MCM2: variants seen among roughly 807,000 people sequenced by gnomAD.
MCM2 encodes the protein DNA replication licensing factor MCM2.
MCM2 carries 49 observed loss-of-function variants against 86.4 expected under a neutral mutation model. The ratio of observed to expected loss-of-function variants is 0.57; its 90% CI spans 0.45 to 0.72. MCM2 has a LOEUF of 0.72. MCM2 is among the 30% of genes least tolerant of loss of function. The probability of loss-of-function intolerance (pLI) is 0.00; values close to 1 mark genes in which losing one functional copy is unlikely to be tolerated. For synonymous variants in MCM2, 475 were observed against 484.6 expected (o/e 0.98, Z 0.26); for missense variants, 1,038 against 1,259.9 (o/e 0.82, Z 2.67).
chr3:127,605,607 A>AT (rs1180191104), intron 4 of MCM2, among the ~76,000 whole-genome samples: 1,960 of 145,020 alleles, frequency 0.014, 55 homozygotes, highest in African/African-American at 0.046. Flanking sequence ...TGCCTGACTA[A>AT]TTTTTTTTTT....
chr3:127,604,468 G>T, intron 2 of MCM2, 140 bp from the exon 3 acceptor site: 1 of 762,996 alleles, frequency 1.3e-6, no homozygotes. Flanking sequence ...TGAGCCTTCT[G>T]TGTTTCTGAC....
At chr3:127,598,577 T>G in intron 1 of MCM2, 105 bp downstream of exon 1, 1 of 1,442,302 alleles carries the variant, frequency 6.9e-7, no homozygotes, top group South Asian at 1.4e-5. Context: ...TGGGTGAGGC[T>G]GGGCCCCAGG....
At chr3:127,598,505 G>A (rs1200869503) in intron 1 of MCM2, 33 bp downstream of exon 1, 4 of 1,609,904 alleles carry the variant, frequency 2.5e-6, no homozygotes, top group East Asian at 2.2e-5. Context: ...GGCGGGCGCC[G>A]GGGACATGGG....
chr3:127,601,441 A>G (rs1576411185), intron 2 of MCM2, among the ~76,000 whole-genome samples: 1 of 152,054 alleles, frequency 6.6e-6, no homozygotes, highest in African/African-American at 2.4e-5. Context: ...GCTCACTGCA[A>G]CCTCCGCCTC....
At chr3:127,616,018 AAAG>A in intron 9 of MCM2, 63 bp downstream of exon 9, 7 of 1,287,664 alleles carry the variant, frequency 5.4e-6, no homozygotes, top group Non-Finnish European at 6.8e-6. Context: ...GCCAGCATTC[AAAG>A]AAGGACACAG....
At chr3:127,613,203 C>T (rs1480842329) in intron 8 of MCM2, among the ~76,000 whole-genome samples, 1 of 152,174 alleles carries the variant, frequency 6.6e-6, no homozygotes, top group African/African-American at 2.4e-5. Context: ...GCTCTTGGCC[C>T]TGGAGGGAGA....
Position 127,606,905 on chromosome 3 carries a change from C to G in MCM2, c.1101+88C>G, listed in dbSNP as rs1253068835. The stretch of plus-strand genomic sequence containing the variant: ...ACTGGCCTCTCAGGCTGTGGAAGAC[C>G]AGTGTGGGCAGCCGCAAGAAGCAAG... On this transcript the variant is annotated intron_variant, in intron 6 of 15. Coordinates refer to ENST00000265056, the MANE Select transcript of MCM2 (RefSeq NM_004526.4). This position sits in a 1 kb window ranked among gnomAD's most constrained non-coding sequence, Gnocchi z 4.2. 1 of 1,300,324 alleles carries G rather than the reference C, an allele frequency of 7.7e-7. No homozygotes were observed. The allele number at this position is 1,300,324 out of a possible 1,614,324, so 80.5% of individuals were successfully genotyped here. A position where few individuals can be genotyped will look rare whatever the true frequency, so the allele number is the denominator to read the frequency against.
intron 1 of MCM2, chr3:127,598,766 G>GC (rs1396460319): frequency 2.1e-6 from 1 of 487,266 alleles, no homozygotes; most frequent in African/African-American, 2.1e-5. Context: ...CAAAAGACAG[G>GC]CCCCCATTTC....
chr3:127,605,194 C>T (rs2074337815), intron 4 of MCM2, 38 bp downstream of exon 4: 8 of 1,597,828 alleles, frequency 5.0e-6, no homozygotes, highest in Non-Finnish European at 6.8e-6. Context: ...GCCCCTGTAG[C>T]GCCTCCCTAA....
At position 127,617,770 on chromosome 3, in the gene MCM2, T is replaced by A; in HGVS notation, c.1901-199T>A. ...GTTTTTCCTCCTGGGGAAGCAGTTA[T>A]GCTTTCTGTCTAAATTAGGCTATTT... On this transcript the variant is annotated intron_variant, in intron 11 of 15. Coordinates refer to ENST00000265056, the MANE Select transcript of MCM2 (RefSeq NM_004526.4). The surrounding 1 kb of genome is among the most constrained non-coding windows in gnomAD (Gnocchi z 4.1). 1 of 596,342 alleles carries A rather than the reference T, an allele frequency of 1.7e-6. No individual in the cohort carries two copies. Among genetic ancestry groups the A allele is most frequent in the Non-Finnish European group, 3.0e-6 (1 of 335,338 alleles). The allele number at this position is 596,342 out of a possible 1,614,324, so 36.9% of individuals were successfully genotyped here.
chr3:127,606,473 G>A lies in MCM2; in HGVS notation c.893+136G>A. On this transcript the variant is annotated intron_variant, in intron 5 of 15. Coordinates refer to ENST00000265056, the MANE Select transcript of MCM2 (RefSeq NM_004526.4). The surrounding 1 kb of genome is among the most constrained non-coding windows in gnomAD (Gnocchi z 4.2). ...TCCTCATCGCAGGTGAGTTGTGGTT[G>A]CACAGGAGTGTGATGGGAGGGATCT... 8.6e-7 allele frequency: 1 copy of A among 1,169,318 alleles called. No homozygotes were observed. The highest frequency in any genetic ancestry group is 1.2e-6 in the Non-Finnish European group (1 of 813,556). The allele number at this position is 1,169,318 out of a possible 1,614,324, so 72.4% of individuals were successfully genotyped here.
intron 4 of MCM2, 33 bp downstream of exon 4, chr3:127,605,189 T>C: frequency 6.2e-7 from 1 of 1,600,902 alleles, no homozygotes; most frequent in Non-Finnish European, 8.5e-7. Flanking sequence ...CCTCAGCCCC[T>C]GTAGCGCCTC....
chr3:127,612,115 G>C (rs928183373), intron 8 of MCM2, among the ~76,000 whole-genome samples: 2 of 152,196 alleles, frequency 1.3e-5, no homozygotes, highest in African/African-American at 4.8e-5. Flanking sequence ...GTGGGTGCTG[G>C]CTCTGTGTTC....
rs1301275482 is a variant in MCM2, at chr3:127,618,792, T to TA, written c.2014-233dup. ...TCTTCTGAGCATTACTTTCCATAAT[T>TA]AATTTTTAAGACTATTTGTCTCCTG... On this transcript the variant is annotated intron_variant, in intron 12 of 15. Transcript: ENST00000265056. The surrounding 1 kb of genome is among the most constrained non-coding windows in gnomAD (Gnocchi z 4.0). Among the ~76,000 whole-genome samples the TA allele has an allele frequency of 6.6e-6, 1 of 152,206 alleles. No homozygotes were observed. The highest frequency in any genetic ancestry group is 1.5e-5 in the Non-Finnish European group (1 of 68,034).
At chr3:127,620,003 A>C (rs1183043087) in intron 13 of MCM2, among the ~76,000 whole-genome samples, 1 of 152,244 alleles carries the variant, frequency 6.6e-6, no homozygotes, top group African/African-American at 2.4e-5. Context: ...ATATTTTTTT[A>C]AATGATAGGT....
intron 4 of MCM2, among the ~76,000 whole-genome samples, chr3:127,605,414 C>T (rs1374098862): frequency 4.3e-5 from 6 of 140,716 alleles, no homozygotes; most frequent in Non-Finnish European, 7.7e-5. Context: ...CTACTTTGAT[C>T]TTTGTAATAG....
intron 2 of MCM2, among the ~76,000 whole-genome samples, chr3:127,601,819 C>T (rs1359797149): frequency 6.6e-6 from 1 of 152,174 alleles, no homozygotes; most frequent in East Asian, 1.9e-4. Flanking sequence ...ATGAGGGTTC[C>T]ACTCCTCCGT....
At position 127,598,452 on chromosome 3, in the gene MCM2, G is replaced by A. The variant is rs1413317782; in HGVS notation, c.-15G>A. ...TGGTTGTTGCTGTAGTGGCGGAGAG[G>A]ATCGTGGTACTGCTATGGCGGTGAG... is the stretch of plus-strand genomic sequence containing the variant. On this transcript the variant is annotated 5_prime_UTR_variant, in exon 1 of 16. Coordinates refer to ENST00000265056, the MANE Select transcript of MCM2 (RefSeq NM_004526.4). 1.2e-6 allele frequency: 2 copies of A among 1,613,402 alleles called. No individual in the cohort carries two copies. The highest frequency in any genetic ancestry group is 1.3e-5 in the African/African-American group (1 of 74,908).
chr3:127,608,550 G>A, intron 7 of MCM2, 34 bp downstream of exon 7: 2 of 1,612,340 alleles, frequency 1.2e-6, no homozygotes, highest in Non-Finnish European at 1.7e-6. Context: ...AGGGAGCCAA[G>A]TTGCAGAGGG....
Sources: gnomAD v4.1 joint callset for allele counts (sites outside exome capture counted in the v4.1 genomes callset) on GRCh38, gnomAD v4.1.1 for gene constraint, Gnocchi (gnomAD v3.1) non-coding constraint, MANE v1.5 for transcripts, NCBI Gene and HGNC (gene_info 2026-07-23, HGNC 2026-07-21) for gene names.